CPQ: variants seen among roughly 807,000 people sequenced by gnomAD.
CPQ encodes carboxypeptidase Q.
In CPQ, 37 loss-of-function variants were observed where a neutral mutation model predicts 45.7. That is an observed-to-expected ratio of 0.81 (90% CI 0.62 to 1.07). The LOEUF is 1.07. Among genes scored for constraint, CPQ ranks in the 50% least tolerant of loss-of-function variants. The pLI is 0.00. For synonymous variants in CPQ, 186 were observed against 205.8 expected, an observed-to-expected ratio of 0.90 and a Z score of 0.82; for missense variants, 537 against 572.9, an observed-to-expected ratio of 0.94 and a Z score of 0.64.
chr8:96,832,641 A>G (rs1811474776), intron 2 of CPQ, among the ~76,000 whole-genome samples: 1 of 152,170 alleles, frequency 6.6e-6, no homozygotes, highest in Non-Finnish European at 1.5e-5. Context: ...GTTACAGGAG[A>G]CAAGAGGCCA....
intron 1 of CPQ, among the ~76,000 whole-genome samples, chr8:96,663,045 C>T (rs186158739): frequency 6.6e-6 from 1 of 152,162 alleles, no homozygotes; most frequent in Non-Finnish European, 1.5e-5. Flanking sequence ...AATCACCTTT[C>T]AAGTCATTTT....
At position 96,780,341 on chromosome 8, in the gene CPQ, A is replaced by AGG. The variant is rs138256004; in HGVS notation, c.-34-4520_-34-4519dup. On this transcript the variant is annotated intron_variant, in intron 1 of 7. Coordinates refer to ENST00000220763, the MANE Select transcript of CPQ (RefSeq NM_016134.4). ...GTAAGTGGAGGCATTTGCCAGATGA[A>AGG]GGGGAGGAGGTGAGGAGAAGGGTCT... 6.8e-3 allele frequency among the ~76,000 whole-genome samples: 1,036 copies of AGG among 152,250 alleles called. 16 individuals carry two copies. The highest frequency in any genetic ancestry group is 0.024 in the African/African-American group (997 of 41,554).
chr8:97,050,393 T>A (rs1374623946), intron 6 of CPQ, among the ~76,000 whole-genome samples: 5 of 152,178 alleles, frequency 3.3e-5, no homozygotes, highest in Admixed American at 3.3e-4. Context: ...TACAATACAA[T>A]GAATATGTTT....
intron 3 of CPQ, among the ~76,000 whole-genome samples, chr8:96,849,526 C>A (rs1157548541): frequency 6.6e-6 from 1 of 152,170 alleles, no homozygotes; most frequent in East Asian, 1.9e-4. Flanking sequence ...CCTGTAAACC[C>A]AAGCCAATAT....
intron 1 of CPQ, among the ~76,000 whole-genome samples, chr8:96,778,190 A>G (rs1274097693): frequency 2.6e-5 from 4 of 152,006 alleles, no homozygotes; most frequent in Non-Finnish European, 5.9e-5. Context: ...AATACCTATT[A>G]TATCTTATGC....
intron 7 of CPQ, among the ~76,000 whole-genome samples, chr8:97,077,757 G>GA (rs947953505): frequency 1.4e-3 from 216 of 151,794 alleles, no homozygotes; most frequent in Middle Eastern, 3.4e-3. Flanking sequence ...AAAATTTGTG[G>GA]AAAAAAATAT....
At chr8:97,008,596 GA>G (rs1218645942) in intron 5 of CPQ, among the ~76,000 whole-genome samples, 1 of 152,142 alleles carries the variant, frequency 6.6e-6, no homozygotes, top group African/African-American at 2.4e-5. Context: ...CACACTGAGG[GA>G]ATCCACGTGT....
At chr8:97,130,768 C>A (rs1473928195) in intron 7 of CPQ, among the ~76,000 whole-genome samples, 2 of 152,166 alleles carry the variant, frequency 1.3e-5, no homozygotes, top group Non-Finnish European at 2.9e-5. Flanking sequence ...AGAGCATATT[C>A]ATTTCCCAGG....
intron 3 of CPQ, among the ~76,000 whole-genome samples, chr8:96,866,960 G>C (rs887479101): frequency 6.6e-6 from 1 of 151,980 alleles, no homozygotes; most frequent in Admixed American, 6.6e-5. Flanking sequence ...AAATACATTT[G>C]CCTACTTCAA....
At position 96,854,548 on chromosome 8, in the gene CPQ, A is replaced by ACAAAAAC. The variant is rs1563513668; in HGVS notation, c.641+19368_641+19369insCAAAAAC. On this transcript the variant is annotated intron_variant, in intron 3 of 7. Transcript: ENST00000220763. ...TCCGTCTCAAAAAAAAAAAAAAAAAAAAAAAAAAAAATGTGGTGGAACTAA... is the reference window on the plus strand; with the variant it reads ...TCCGTCTCAAAAAAAAAAAAAAAAAACAAAAACAAAAAAAAAAATGTGGTGGAACTAA... Among the ~76,000 whole-genome samples the ACAAAAAC allele has an allele frequency of 6.2e-4, 74 of 119,110 alleles. 4 individuals are homozygous for ACAAAAAC. Among genetic ancestry groups the ACAAAAAC allele is most frequent in the Middle Eastern group, 8.5e-3 (2 of 234 alleles). 78.1% of individuals were successfully genotyped at this position (119,110 alleles called of 152,430 possible).
At chr8:97,035,791 T>C (rs991478126) in intron 6 of CPQ, among the ~76,000 whole-genome samples, 1 of 152,256 alleles carries the variant, frequency 6.6e-6, no homozygotes, top group Non-Finnish European at 1.5e-5. Context: ...CACTGCAACC[T>C]CCGCCTCCAG....
chr8:96,862,265 A>G (rs147183134), intron 3 of CPQ, among the ~76,000 whole-genome samples: 173 of 150,382 alleles, frequency 1.2e-3, no homozygotes, highest in Non-Finnish European at 2.1e-3. Flanking sequence ...TATGGGGACA[A>G]TAATATTGAT....
At chr8:96,862,647 A>G (rs1811941286) in intron 3 of CPQ, among the ~76,000 whole-genome samples, 1 of 152,068 alleles carries the variant, frequency 6.6e-6, no homozygotes, top group Non-Finnish European at 1.5e-5. Flanking sequence ...GGATTAGACA[A>G]TTAGATATGA....
chr8:97,133,504 A>G (rs1811996556), intron 7 of CPQ: 1 of 152,246 alleles, frequency 6.6e-6, no homozygotes, highest in Admixed American at 6.5e-5. Flanking sequence ...TCTAAATGGT[A>G]AAATCATGAA....
At chr8:97,049,062 A>G (rs1810309951) in intron 6 of CPQ, among the ~76,000 whole-genome samples, 1 of 152,220 alleles carries the variant, frequency 6.6e-6, no homozygotes, top group South Asian at 2.1e-4. Context: ...AAAAGTGTTG[A>G]GAATGCAAAT....
chr8:97,013,184 G>T (rs920443784), intron 5 of CPQ, among the ~76,000 whole-genome samples: 1 of 152,064 alleles, frequency 6.6e-6, no homozygotes, highest in Non-Finnish European at 1.5e-5. Flanking sequence ...AGAGGCTGAG[G>T]CAGGAGAATC....
chr8:97,123,178 AT>A (rs1160608075), intron 7 of CPQ, among the ~76,000 whole-genome samples: 8 of 48,776 alleles, frequency 1.6e-4, no homozygotes, highest in African/African-American at 6.3e-4. Context: ...AAAATAAAAT[AT>A]AAAATAAAAT....
intron 4 of CPQ, among the ~76,000 whole-genome samples, chr8:96,904,765 A>C (rs1812555011): frequency 6.6e-6 from 1 of 152,162 alleles, no homozygotes; most frequent in Non-Finnish European, 1.5e-5. Context: ...GTTTAGGACA[A>C]CTTTATGCAA....
Position 96,718,480 on chromosome 8 carries a change from G to T in CPQ, c.-34-66384G>T, listed in dbSNP as rs552402487. Among the ~76,000 whole-genome samples the T allele has an allele frequency of 3.3e-5, 5 of 152,262 alleles. No homozygotes were observed. In the South Asian group the frequency reaches 1.0e-3, roughly 32 times the overall value. On this transcript the variant is annotated intron_variant, in intron 1 of 7. Coordinates refer to ENST00000220763, the MANE Select transcript of CPQ (RefSeq NM_016134.4). The stretch of plus-strand genomic sequence containing the variant: ...GTTCGTTCCCCCCAGTGGGCTTGTG[G>T]TCTCGCTGGCTTCAGGAGTGAAGCT...
Sources: gnomAD v4.1 joint callset for allele counts (sites outside exome capture counted in the v4.1 genomes callset) on GRCh38, gnomAD v4.1.1 for gene constraint, MANE v1.5 for transcripts, NCBI Gene and HGNC (gene_info 2026-07-23, HGNC 2026-07-21) for gene names.